Variants in ATRNL1 observed in about 807,000 individuals in gnomAD.
The protein encoded by ATRNL1 is attractin like 1, also known as attractin-like protein 1.
In ATRNL1, 95 loss-of-function variants were observed where a neutral mutation model predicts 182.7. That is an observed-to-expected ratio of 0.52 (90% CI 0.44 to 0.62). ATRNL1 has a LOEUF of 0.62. Ranked by LOEUF, ATRNL1 falls within the 20% of genes least tolerant of loss-of-function variation. The probability of loss-of-function intolerance (pLI) is 0.00; values close to 1 mark genes in which losing one functional copy is unlikely to be tolerated. For missense variants in ATRNL1, 1,471 were observed against 1,679.5 expected (o/e 0.88, Z 2.17); for synonymous variants, 576 against 568.3 (o/e 1.01, Z -0.19).
chr10:115,711,982 A>C (rs1356239919), intron 26 of ATRNL1, among the ~76,000 whole-genome samples: 1 of 152,180 alleles, frequency 6.6e-6, no homozygotes, highest in Non-Finnish European at 1.5e-5. Context: ...AAAGTCTAAA[A>C]TTATTTTGCC....
chr10:115,177,038 A>G (rs1166864058), intron 8 of ATRNL1, among the ~76,000 whole-genome samples: 9 of 152,112 alleles, frequency 5.9e-5, no homozygotes, highest in Admixed American at 5.9e-4. Flanking sequence ...GGATTGAGCT[A>G]TAGGGTCCCC....
chr10:115,928,765 C>T (rs551362589), intron 28 of ATRNL1, among the ~76,000 whole-genome samples: 2 of 152,014 alleles, frequency 1.3e-5, no homozygotes, highest in East Asian at 1.9e-4. Context: ...TACCAGTATA[C>T]ATATGATAAA....
At chr10:115,478,129 A>G (rs1458175379) in intron 24 of ATRNL1, among the ~76,000 whole-genome samples, 3 of 151,718 alleles carry the variant, frequency 2.0e-5, no homozygotes, top group African/African-American at 7.2e-5. Context: ...AGATGATAAT[A>G]TTGCCTACCT....
intron 26 of ATRNL1, among the ~76,000 whole-genome samples, chr10:115,556,105 A>C (rs1289302375): frequency 6.6e-6 from 1 of 151,982 alleles, no homozygotes; most frequent in Admixed American, 6.6e-5. Context: ...TTATAATGTA[A>C]CTTATGCATC....
intron 10 of ATRNL1, among the ~76,000 whole-genome samples, chr10:115,264,237 A>G (rs1182528506): frequency 6.6e-6 from 1 of 151,724 alleles, no homozygotes; most frequent in Admixed American, 6.6e-5. Flanking sequence ...TTAATAAAAT[A>G]TTGAGTTGAA....
intron 1 of ATRNL1, among the ~76,000 whole-genome samples, chr10:115,098,825 C>CT (rs1166228362): frequency 2.0e-5 from 3 of 152,070 alleles, no homozygotes; most frequent in African/African-American, 7.2e-5. Flanking sequence ...ATATACTGCC[C>CT]TAATAGCACT....
At chr10:115,600,013 C>T (rs1413904937) in intron 26 of ATRNL1, among the ~76,000 whole-genome samples, 1 of 152,028 alleles carries the variant, frequency 6.6e-6, no homozygotes, top group East Asian at 1.9e-4. Flanking sequence ...GGCAACCATG[C>T]GTGTGCTTTC....
chr10:115,791,848 G>A (rs1276811979), intron 27 of ATRNL1, among the ~76,000 whole-genome samples: 2 of 152,022 alleles, frequency 1.3e-5, no homozygotes, highest in Non-Finnish European at 2.9e-5. Context: ...ACTGACCAAG[G>A]TAATCAAATT....
intron 21 of ATRNL1, among the ~76,000 whole-genome samples, chr10:115,426,979 T>A (rs1845933182): frequency 1.3e-5 from 2 of 152,178 alleles, no homozygotes; most frequent in Non-Finnish European, 2.9e-5. Context: ...CACCTTGGCC[T>A]CCCAAAGTGC....
At chr10:115,305,560 G>T (rs1464884042) in intron 17 of ATRNL1, among the ~76,000 whole-genome samples, 1 of 152,126 alleles carries the variant, frequency 6.6e-6, no homozygotes, top group Non-Finnish European at 1.5e-5. Flanking sequence ...CTGCCCAGGA[G>T]AGTTGAATAC....
intron 28 of ATRNL1, among the ~76,000 whole-genome samples, chr10:115,881,923 G>A (rs1183541874): frequency 1.3e-5 from 2 of 152,184 alleles, no homozygotes; most frequent in Non-Finnish European, 2.9e-5. Flanking sequence ...CCACACTGGT[G>A]CTGGAGGTAA....
Position 115,482,475 on chromosome 10 carries a change from C to T in ATRNL1, c.3654+13146C>T, listed in dbSNP as rs1266457117. 3.3e-5 allele frequency among the ~76,000 whole-genome samples: 5 copies of T among 150,828 alleles called. No individual in the cohort carries two copies. In the East Asian group the frequency reaches 9.7e-4, roughly 29 times the overall value. ...TAATTTGACGAGAATAAAAATGCTT[C>T]TTTTATTAATATATTTATAATACTG... On this transcript the variant is annotated intron_variant, in intron 24 of 28. Coordinates refer to ENST00000355044, the MANE Select transcript of ATRNL1 (RefSeq NM_207303.4).
chr10:115,558,065 C>CAAAAAAAAAA (rs113014620), intron 26 of ATRNL1, among the ~76,000 whole-genome samples: 6 of 144,666 alleles, frequency 4.1e-5, no homozygotes, highest in African/African-American at 7.6e-5. Context: ...AACAAAAAAA[C>CAAAAAAAAAA]AAAAAAAAAA....
rs782301020 is a variant in ATRNL1, at chr10:115,241,618, T to C, written c.1580T>C (p.Val527Ala). 15 of 1,611,958 alleles carry C rather than the reference T, an allele frequency of 9.3e-6. No individual in the cohort carries two copies. The highest frequency in any genetic ancestry group is 1.3e-5 in the Non-Finnish European group (15 of 1,178,590). ...SGFARYLHSAVLINGAMLIFG... is the reference protein window; with the variant it reads ...SGFARYLHSAALINGAMLIFG... ...TTTGCCAGATACCTTCATTCAGCTG[T>C]TCTTATCAATGGAGCTATGCTTATT... Residue 527 changes from valine (V) to alanine (A), a missense_variant, in exon 10 of 29, where the codon GTT becomes GCT. Coordinates refer to ENST00000355044, the MANE Select transcript of ATRNL1 (RefSeq NM_207303.4).
chr10:115,901,743 GAAAA>G (rs562327427), intron 28 of ATRNL1, among the ~76,000 whole-genome samples: 6 of 58,058 alleles, frequency 1.0e-4, no homozygotes, highest in African/African-American at 2.4e-4. Flanking sequence ...GAACTGAGAA[GAAAA>G]AAAAAAAAAA....
intron 27 of ATRNL1, among the ~76,000 whole-genome samples, chr10:115,770,107 GGGTCT>G (rs1237757023): frequency 4.6e-5 from 7 of 151,332 alleles, no homozygotes; most frequent in Admixed American, 4.6e-4. Context: ...CAGAAAACCT[GGGTCT>G]AGGTTATACT....
intron 20 of ATRNL1, among the ~76,000 whole-genome samples, chr10:115,400,824 C>T: frequency 6.6e-6 from 1 of 151,938 alleles, no homozygotes; most frequent in Non-Finnish European, 1.5e-5. Context: ...AGTTTTGAGG[C>T]TATGTGTGTC....
rs180768192 is a variant in ATRNL1 at position 115,775,784 on chromosome 10, G to A, written c.3903+48429G>A. On this transcript the variant is annotated intron_variant, in intron 27 of 28. Transcript: ENST00000355044. ...AGCCTGGCCAACATGGTGAAACCCC[G>A]ACTCTACTAAAAAAAATACAAAAAT... Among the ~76,000 whole-genome samples, 545 of 91,820 alleles carry A rather than the reference G, an allele frequency of 5.9e-3. 3 individuals carry two copies. Among genetic ancestry groups the A allele is most frequent in the African/African-American group, 0.023 (531 of 22,928 alleles). The allele number at this position is 91,820 out of a possible 152,430, so 60.2% of individuals were successfully genotyped here.
chr10:115,361,089 A>T (rs565120341), intron 19 of ATRNL1, among the ~76,000 whole-genome samples: 24 of 152,074 alleles, frequency 1.6e-4, no homozygotes, highest in African/African-American at 5.5e-4. Context: ...AATGAATGAG[A>T]ATCTTATGGG....
Sources: gnomAD v4.1 joint callset for allele counts (sites outside exome capture counted in the v4.1 genomes callset) on GRCh38, gnomAD v4.1.1 for gene constraint, MANE v1.5 for transcripts, NCBI Gene and HGNC (gene_info 2026-07-23, HGNC 2026-07-21) for gene names.